Variants in NLRP12 observed in about 807,000 individuals in gnomAD.
NLRP12 encodes the protein NLR family pyrin domain containing 12.
NLRP12 carries 108 observed loss-of-function variants against 91.2 expected under a neutral mutation model. The observed-to-expected ratio is 1.18, with a 90% CI of 1.01 to 1.39. The LOEUF is 1.39. NLRP12 is among the 40% of genes most tolerant of loss of function. NLRP12 has a pLI of 0.00. For missense variants in NLRP12, 1,530 were observed against 1,352.7 expected (o/e 1.13, Z -2.06); for synonymous variants, 613 against 566.7 (o/e 1.08, Z -1.16).
At chr19:53,813,880 A>G (rs1354655249) in intron 2 of NLRP12, among the ~76,000 whole-genome samples, 1 of 147,506 alleles carries the variant, frequency 6.8e-6, no homozygotes, top group South Asian at 2.1e-4. Context: ...TTTTTTTTGT[A>G]GAGATGGGGT....
At chr19:53,820,428 G>T (rs955649689) in intron 1 of NLRP12, among the ~76,000 whole-genome samples, 1 of 151,602 alleles carries the variant, frequency 6.6e-6, no homozygotes, top group African/African-American at 2.4e-5. Flanking sequence ...TACTCAGGAG[G>T]CTGAGGCAGG....
chr19:53,806,253 A>G lies in NLRP12; in HGVS notation c.2244-803T>C, dbSNP rs555480469. Among the ~76,000 whole-genome samples the G allele has an allele frequency of 2.1e-3, 321 of 152,026 alleles. 2 individuals carry two copies. The highest frequency in any genetic ancestry group is 3.5e-3 in the Non-Finnish European group (241 of 67,982). Reference sequence around the variant, plus strand: ...TCTCAAAAAATAACATATGAAAAAAATTTGGCTAGGCACAGTGGCTCACAC... The same window carrying G: ...TCTCAAAAAATAACATATGAAAAAAGTTTGGCTAGGCACAGTGGCTCACAC... On this transcript the variant is annotated intron_variant, in intron 4 of 9. Coordinates refer to ENST00000324134, the MANE Select transcript of NLRP12 (RefSeq NM_144687.4).
rs199475870 is a variant in NLRP12, at chr19:53,804,098, G to T, written c.2439C>A (p.Ser813=). ...CAGAAGCCATCTCCTGACAAGCCCCGGACTCCAGCTGACACTTCCTCAACC... is the reference window on the plus strand; with the variant it reads ...CAGAAGCCATCTCCTGACAAGCCCCTGACTCCAGCTGACACTTCCTCAACC... The part of the protein sequence containing the change: ...MIQLRKCQLE[S]GACQEMASVL... The change falls in exon 6 of 10, where the codon TCC becomes TCA. Residue 813 remains serine, a synonymous_variant. Coordinates refer to ENST00000324134, the MANE Select transcript of NLRP12 (RefSeq NM_144687.4). 1 of 1,613,974 alleles carries T rather than the reference G, an allele frequency of 6.2e-7. No homozygotes were observed. The highest frequency in any genetic ancestry group is 1.7e-5 in the Admixed American group (1 of 59,976).
intron 1 of NLRP12, among the ~76,000 whole-genome samples, chr19:53,822,380 G>A (rs2092273788): frequency 6.6e-6 from 1 of 152,076 alleles, no homozygotes; most frequent in Admixed American, 6.6e-5. Context: ...CACTTTGGGA[G>A]GCTAAGGTGG....
In NLRP12 at chr19:53,814,904, T is replaced by C. The variant is rs769443405; in HGVS notation, c.370+4A>G. The C allele has an allele frequency of 1.7e-5, 27 of 1,613,166 alleles. 1 individual carries two copies. The South Asian group carries it at 3.0e-4, about 18-fold the overall frequency. ...TACATGTAGGTACATGGCTTGAGGCTCACCTTTTCTTGGAGTGACAAGAGA... is the reference window on the plus strand; with the variant it reads ...TACATGTAGGTACATGGCTTGAGGCCCACCTTTTCTTGGAGTGACAAGAGA... On this transcript the variant is annotated splice_donor_region_variant and intron_variant, in intron 2 of 9. Coordinates refer to ENST00000324134, the MANE Select transcript of NLRP12 (RefSeq NM_144687.4).
chr19:53,823,498 A>AAAAATATATTTTAAAACATAT (rs1568703260), intron 1 of NLRP12, among the ~76,000 whole-genome samples: 2 of 56,804 alleles, frequency 3.5e-5, no homozygotes, highest in East Asian at 3.3e-4. Flanking sequence ...AAATATATTT[A>AAAAATATATTTTAAAACATAT]TTTAAAATAT....
intron 3 of NLRP12, chr19:53,808,098 G>GCC (rs1485318450): frequency 6.9e-5 from 24 of 347,062 alleles, no homozygotes; most frequent in Non-Finnish European, 4.5e-5. Context: ...TTGCCCTGTT[G>GCC]TCTAGGCTGG....
rs1568676454 is a variant in NLRP12, at chr19:53,809,736, A to C, written c.1923T>G (p.Ile641Met). The C allele has an allele frequency of 1.8e-5, 29 of 1,613,946 alleles. No homozygotes were observed. The highest frequency in any genetic ancestry group is 2.2e-5 in the East Asian group (1 of 44,850). Residue 641 changes from isoleucine to methionine, a missense_variant, in exon 3 of 10, where the codon ATT becomes ATG. Coordinates refer to ENST00000324134, the MANE Select transcript of NLRP12 (RefSeq NM_144687.4). The stretch of plus-strand genomic sequence containing the variant: ...AGACCATGTGCTCCATCTTGGAGGC[A>C]ATGTTGCTGACCACGATCACCTGGA... The part of the protein sequence containing the change: ...SHFQVIVVSN[I>M]ASKMEHMVSS...
chr19:53,797,517 C>T (rs2122523436), intron 8 of NLRP12, among the ~76,000 whole-genome samples: 1 of 152,004 alleles, frequency 6.6e-6, no homozygotes, highest in East Asian at 1.9e-4. Flanking sequence ...CTCCCAGGTT[C>T]AAGTCATTCT....
rs571331229 is a variant in NLRP12, at chr19:53,816,553, G to A, written c.290-1565C>T. Among the ~76,000 whole-genome samples, 11 of 151,954 alleles carry A rather than the reference G, an allele frequency of 7.2e-5. No homozygotes were observed. In the South Asian group the frequency reaches 8.3e-4, roughly 11 times the overall value. On this transcript the variant is annotated intron_variant, in intron 1 of 9. Coordinates refer to ENST00000324134, the MANE Select transcript of NLRP12 (RefSeq NM_144687.4). The stretch of plus-strand genomic sequence containing the variant: ...ATTTTTATTTATTTGAGACAGTCTC[G>A]CTCTGTCGCCCAGGCTGGAGTGCAG...
intron 1 of NLRP12, among the ~76,000 whole-genome samples, chr19:53,819,748 C>G (rs1453549866): frequency 6.7e-6 from 1 of 149,976 alleles, no homozygotes; most frequent in Non-Finnish European, 1.5e-5. Flanking sequence ...CGGAGTTTTG[C>G]TCTTCTTGTC....
rs560825505 is a variant in NLRP12, at chr19:53,810,700, G to A, written c.959C>T (p.Thr320Met). The A allele has an allele frequency of 2.3e-5, 37 of 1,614,030 alleles. 1 individual carries two copies. In the South Asian group the frequency reaches 3.3e-4, roughly 14 times the overall value. Residue 320 changes from threonine to methionine, a missense_variant, in exon 3 of 10, where the codon ACG (threonine) becomes ATG (methionine). Physicochemically the swap from Thr to Met is moderately conservative, Grantham distance 81. Transcript: ENST00000324134. ...WCLCWEEKRP[T>M]ELLLNSLIRK... The stretch of plus-strand genomic sequence containing the variant: ...AATTAAGCTGTTAAGAAGCAGCTCC[G>A]TGGGCCGTTTCTCCTCCCAGCAGAG...
chr19:53,804,167 T>C, intron 5 of NLRP12, 45 bp from the exon 6 acceptor site: 1 of 1,595,692 alleles, frequency 6.3e-7, no homozygotes, highest in Non-Finnish European at 8.6e-7. Context: ...CTTGCTTTTC[T>C]ATGTCGTGAT....
At chr19:53,798,221 C>A in intron 8 of NLRP12, 22 bp downstream of exon 8, 1 of 1,613,988 alleles carries the variant, frequency 6.2e-7, no homozygotes, top group Non-Finnish European at 8.5e-7. Context: ...CCACTGCCAC[C>A]CCGTCACTCC....
chr19:53,823,463 AT>A (rs1213867191), intron 1 of NLRP12, among the ~76,000 whole-genome samples: 31 of 21,222 alleles, frequency 1.5e-3, no homozygotes, highest in Non-Finnish European at 5.3e-3. Flanking sequence ...TATATTTTAA[AT>A]ATATATTTAA....
At chr19:53,813,712 G>T (rs1191380708) in intron 2 of NLRP12, among the ~76,000 whole-genome samples, 1 of 151,440 alleles carries the variant, frequency 6.6e-6, no homozygotes, top group Non-Finnish European at 1.5e-5. Context: ...TTTGAGACAG[G>T]GTCTTTCTCA....
Position 53,795,936 on chromosome 19 carries a change from G to A in NLRP12, c.3021C>T (p.Asn1007=). ...NQTLTDLYLT[N]NALGDTGVRL... ...GGACACCTGTGTCCCCTAGGGCGTT[G>A]TTGGTCAGGTAAAGGTCGGTCAAGG... The change falls in exon 9 of 10, where the codon AAC becomes AAT. Residue 1007 remains asparagine, a synonymous_variant. Coordinates refer to ENST00000324134, the MANE Select transcript of NLRP12 (RefSeq NM_144687.4). The A allele has an allele frequency of 6.2e-7, 1 of 1,614,170 alleles. No individual in the cohort carries two copies. The highest frequency in any genetic ancestry group is 8.5e-7 in the Non-Finnish European group (1 of 1,180,020).
At position 53,798,425 on chromosome 19, in the gene NLRP12, G is replaced by C. The variant is rs756954179; in HGVS notation, c.2757-12C>G. ...GGCAGATGCCCAACCTGCAAAGACAGGATGCTAGGGCGGAGTGGGAGGCAT... is the reference window on the plus strand; with the variant it reads ...GGCAGATGCCCAACCTGCAAAGACACGATGCTAGGGCGGAGTGGGAGGCAT... On this transcript the variant is annotated splice_polypyrimidine_tract_variant and intron_variant, in intron 7 of 9. Transcript: ENST00000324134. The C allele has an allele frequency of 2.5e-6, 4 of 1,612,942 alleles. No individual in the cohort carries two copies. Among genetic ancestry groups the C allele is most frequent in the South Asian group, 1.1e-5 (1 of 90,916 alleles).
At chr19:53,800,581 C>T (rs8110965) in intron 7 of NLRP12, among the ~76,000 whole-genome samples, 4 of 130,256 alleles carry the variant, frequency 3.1e-5, no homozygotes, top group South Asian at 2.3e-4. Context: ...GTCAGAAAAC[C>T]CCCCCCTTTT....
Sources: allele counts gnomAD v4.1 joint callset (sites outside exome capture counted in the v4.1 genomes callset), GRCh38; gene constraint gnomAD v4.1.1; transcripts MANE v1.5; gene names NCBI Gene and HGNC (gene_info 2026-07-23, HGNC 2026-07-21).